Variants in ZNF439 observed in about 807,000 individuals in gnomAD.
ZNF439 encodes zinc finger protein 439.
A neutral mutation model predicts 47.3 loss-of-function variants in ZNF439; 40 were observed. The ratio of observed to expected loss-of-function variants is 0.85; its 90% CI spans 0.66 to 1.10. ZNF439 has a LOEUF of 1.10. Among genes scored for constraint, ZNF439 ranks in the 50% least tolerant of loss-of-function variants. ZNF439 has a pLI of 0.00. For synonymous variants in ZNF439, 171 were observed against 198.8 expected (o/e 0.86, Z 1.18); for missense variants, 556 against 601.1 (o/e 0.93, Z 0.78).
chr19:11,863,376 G>GTCTCAA (rs1690937173), intron 1 of ZNF439, among the ~76,000 whole-genome samples: 1 of 151,816 alleles, frequency 6.6e-6, no homozygotes, highest in Admixed American at 6.6e-5. Context: ...AGCCAGGTTG[G>GTCTCAA]TCTCAACCTC....
Position 11,865,911 on chromosome 19 carries a change from C to T in ZNF439, c.64-294C>T, listed in dbSNP as rs926188456. On this transcript the variant is annotated intron_variant, in intron 1 of 3. Transcript: ENST00000682736. ...GTATGCTGGTGCATGCCTGTAATCC[C>T]AGCTACTCGGGAGGCTGAGGCAGAA... 19 of 662,452 alleles carry T rather than the reference C, an allele frequency of 2.9e-5. No individual in the cohort carries two copies. In the Admixed American group the frequency reaches 7.9e-4, roughly 28 times the overall value. The allele number at this position is 662,452 out of a possible 1,614,324, so 41.0% of individuals were successfully genotyped here. A position where few individuals can be genotyped will look rare whatever the true frequency, so the allele number is the denominator to read the frequency against.
At chr19:11,856,022 C>T (rs1385822520) in intron 1 of ZNF439, 1 of 152,254 alleles carries the variant, frequency 6.6e-6, no homozygotes, top group African/African-American at 2.4e-5. Flanking sequence ...TGTCCATCTC[C>T]TGTAGAAACA....
intron 1 of ZNF439, among the ~76,000 whole-genome samples, chr19:11,864,959 T>C (rs1486161556): frequency 1.3e-5 from 2 of 152,116 alleles, no homozygotes; most frequent in African/African-American, 4.8e-5. Flanking sequence ...TTTGTATTTT[T>C]AGTAGAGACA....
At chr19:11,848,967 G>A in intron 1 of ZNF439, 37 bp downstream of exon 1, 1 of 1,518,592 alleles carries the variant, frequency 6.6e-7, no homozygotes, top group South Asian at 1.1e-5. Flanking sequence ...GATGGGGGAG[G>A]GGCTGCCTGG....
Position 11,868,642 on chromosome 19 carries a change from GA to G in ZNF439, c.*76del. The G allele has an allele frequency of 1.3e-6, 2 of 1,488,438 alleles. No homozygotes were observed. Among genetic ancestry groups the G allele is most frequent in the Non-Finnish European group, 9.2e-7 (1 of 1,086,780 alleles). The allele number at this position is 1,488,438 out of a possible 1,614,324, so 92.2% of individuals were successfully genotyped here. On this transcript the variant is annotated 3_prime_UTR_variant, in exon 4 of 4. Transcript: ENST00000682736. The stretch of plus-strand genomic sequence containing the variant: ...CACATGAAAAAATTCACACTGGAGA[GA>G]AACCCTATAAATGCAAGCAATGTGG...
At position 11,869,104 on chromosome 19, in the gene ZNF439, A is replaced by G. The variant is rs10405375; in HGVS notation, c.*535A>G. The G allele has an allele frequency of 0.012, 2,794 of 226,432 alleles. 69 individuals carry two copies. The highest frequency in any genetic ancestry group is 0.063 in the African/African-American group (2,655 of 42,200). 14.0% of individuals were successfully genotyped at this position (226,432 alleles called of 1,614,324 possible). A position where few individuals can be genotyped will look rare whatever the true frequency, so the allele number is the denominator to read the frequency against. On this transcript the variant is annotated 3_prime_UTR_variant, in exon 4 of 4. Coordinates refer to ENST00000682736, the MANE Select transcript of ZNF439 (RefSeq NM_001348719.2). ...TGTGGGAAAGCATTCAGCTTGCTTA[A>G]TTGCTTTCATAGACATGTAAAGACA...
At position 11,869,219 on chromosome 19, in the gene ZNF439, G is replaced by A; in HGVS notation, c.*650G>A. Reference sequence around the variant, plus strand: ...TCAATATCATGAAAGGACTCACACTGGGGAGAAACCGTATCAATGTAAGCA... The same window carrying A: ...TCAATATCATGAAAGGACTCACACTAGGGAGAAACCGTATCAATGTAAGCA... On this transcript the variant is annotated 3_prime_UTR_variant, in exon 4 of 4. Transcript: ENST00000682736. 4.3e-6 allele frequency: 1 copy of A among 232,246 alleles called. No individual in the cohort carries two copies. 14.4% of individuals were successfully genotyped at this position (232,246 alleles called of 1,614,324 possible).
intron 1 of ZNF439, among the ~76,000 whole-genome samples, chr19:11,861,784 A>G (rs1437037585): frequency 6.6e-6 from 1 of 152,200 alleles, no homozygotes; most frequent in Non-Finnish European, 1.5e-5. Flanking sequence ...GGAAATCGTC[A>G]TTGAGCGCTT....
At position 11,868,715 on chromosome 19, in the gene ZNF439, C is replaced by A; in HGVS notation, c.*146C>A. 1.1e-6 allele frequency: 1 copy of A among 905,270 alleles called. No individual in the cohort carries two copies. Among genetic ancestry groups the A allele is most frequent in the African/African-American group, 1.7e-5 (1 of 59,722 alleles). The allele number at this position is 905,270 out of a possible 1,614,324, so 56.1% of individuals were successfully genotyped here. A position where few individuals can be genotyped will look rare whatever the true frequency, so the allele number is the denominator to read the frequency against. Reference sequence around the variant, plus strand: ...TCCTTTCGATATCTAAAAGGACTCACAGTGGAGAAAAACTCTATGAGTGTA... The same window carrying A: ...TCCTTTCGATATCTAAAAGGACTCAAAGTGGAGAAAAACTCTATGAGTGTA... On this transcript the variant is annotated 3_prime_UTR_variant, in exon 4 of 4. Transcript: ENST00000682736.
chr19:11,855,245 C>CTT (rs1976353865), intron 1 of ZNF439, among the ~76,000 whole-genome samples: 2 of 152,128 alleles, frequency 1.3e-5, no homozygotes, highest in Non-Finnish European at 2.9e-5. Context: ...CTTTAGGTCC[C>CTT]CAATCCACAA....
intron 1 of ZNF439, among the ~76,000 whole-genome samples, chr19:11,852,780 G>T (rs1365110939): frequency 1.3e-5 from 2 of 152,106 alleles, no homozygotes; most frequent in Admixed American, 6.5e-5. Flanking sequence ...AAAGTGGCGG[G>T]ATTACAGGTG....
chr19:11,849,091 C>T, intron 1 of ZNF439, 161 bp downstream of exon 1: 2 of 1,202,582 alleles, frequency 1.7e-6, no homozygotes, highest in South Asian at 1.6e-5. Context: ...GGCCGGCAGC[C>T]GGGACTCCGG....
Position 11,868,035 on chromosome 19 carries a change from G to GA in ZNF439, c.987dup (p.Leu330ThrfsTer3), listed in dbSNP as rs1313557565. On this transcript the variant is annotated frameshift_variant, in exon 4 of 4. Transcript: ENST00000682736. LOFTEE classifies it high-confidence loss of function. ...GTAGACATGAAAGGACCCACTCTAG[G>GA]AAAAAACTTTATGAATGTAAGCAGT... The GA allele has an allele frequency of 2.1e-5, 34 of 1,613,944 alleles. No homozygotes were observed. The highest frequency in any genetic ancestry group is 1.7e-4 in the Admixed American group (10 of 59,986).
rs534672032 is a variant in ZNF439, at chr19:11,848,733, A to T, written c.-135A>T. 8.5e-7 allele frequency: 1 copy of T among 1,169,722 alleles called. No homozygotes were observed. The highest frequency in any genetic ancestry group is 1.1e-6 in the Non-Finnish European group (1 of 912,546). 72.5% of individuals were successfully genotyped at this position (1,169,722 alleles called of 1,614,324 possible). ...TGGCTCGGGGCCCTGCCCACTGTGC[A>T]TCCAGGCACGGAGGATGTTGCATTC... is the stretch of plus-strand genomic sequence containing the variant. On this transcript the variant is annotated 5_prime_UTR_variant, in exon 1 of 4. Transcript: ENST00000682736.
Position 11,862,000 on chromosome 19 carries a change from G to T in ZNF439, c.64-4205G>T, listed in dbSNP as rs573041174. On this transcript the variant is annotated intron_variant, in intron 1 of 3. Coordinates refer to ENST00000682736, the MANE Select transcript of ZNF439 (RefSeq NM_001348719.2). ...TGGTCCTGGGTGGCAGAAATGGGGT[G>T]ACTTGCTTCTTTCATGTAAAAATAT... is the stretch of plus-strand genomic sequence containing the variant. Among the ~76,000 whole-genome samples the T allele has an allele frequency of 1.6e-4, 24 of 152,296 alleles. 1 individual carries two copies. The South Asian group carries it at 4.8e-3, about 30-fold the overall frequency.
chr19:11,869,485 A>C lies in ZNF439; in HGVS notation c.*916A>C, dbSNP rs906278201. Reference sequence around the variant, plus strand: ...ATCCATTGGTGTCATGTATTAGATCAAGCTTATAATGTTACATTGTTATTA... The same window carrying C: ...ATCCATTGGTGTCATGTATTAGATCCAGCTTATAATGTTACATTGTTATTA... On this transcript the variant is annotated 3_prime_UTR_variant, in exon 4 of 4. Coordinates refer to ENST00000682736, the MANE Select transcript of ZNF439 (RefSeq NM_001348719.2). The C allele has an allele frequency of 1.3e-5, 2 of 151,816 alleles. No homozygotes were observed. The highest frequency in any genetic ancestry group is 6.5e-5 in the Admixed American group (1 of 15,278). The allele number at this position is 151,816 out of a possible 1,614,324, so 9.4% of individuals were successfully genotyped here. A position where few individuals can be genotyped will look rare whatever the true frequency, so the allele number is the denominator to read the frequency against.
intron 1 of ZNF439, 83 bp downstream of exon 1, chr19:11,849,013 C>A (rs2685653): frequency 7.2e-7 from 1 of 1,395,266 alleles, no homozygotes; most frequent in Admixed American, 2.2e-5. Context: ...TGGGCGACTC[C>A]GGGGTCTGGG....
At chr19:11,848,974 C>T (rs1035317432) in intron 1 of ZNF439, 44 bp downstream of exon 1, 15 of 1,504,098 alleles carry the variant, frequency 1.0e-5, no homozygotes, top group African/African-American at 1.4e-5. Context: ...GAGGGGCTGC[C>T]TGGAACTGGC....
chr19:11,866,452 C>G (rs1276614206), intron 2 of ZNF439, 85 bp from the exon 3 acceptor site: 1 of 1,601,486 alleles, frequency 6.2e-7, no homozygotes, highest in Admixed American at 1.7e-5. Flanking sequence ...TGAGGCATGG[C>G]TGCTGTAAAT....
Sources: allele counts gnomAD v4.1 joint callset (sites outside exome capture counted in the v4.1 genomes callset), GRCh38; gene constraint gnomAD v4.1.1; transcripts MANE v1.5; gene names NCBI Gene and HGNC (gene_info 2026-07-23, HGNC 2026-07-21).